Variants in APP observed in about 807,000 individuals in gnomAD.
APP encodes the protein amyloid-beta precursor protein.
APP carries 31 observed loss-of-function variants against 101.4 expected under a neutral mutation model. That is an observed-to-expected ratio of 0.31 (90% CI 0.23 to 0.41). The LOEUF (loss-of-function observed/expected upper bound fraction) is 0.41. Ranked by LOEUF, APP falls within the 10% of genes least tolerant of loss-of-function variation. The pLI, the probability that APP is intolerant of heterozygous loss-of-function variation, is 1.00. For synonymous variants in APP, 366 were observed against 364.4 expected (o/e 1.00, Z -0.05); for missense variants, 839 against 1,003.7 (o/e 0.84, Z 2.22).
At chr21:26,164,137 C>T (rs544814156) in intron 1 of APP, among the ~76,000 whole-genome samples, 4 of 152,256 alleles carry the variant, frequency 2.6e-5, no homozygotes, top group East Asian at 3.9e-4. Flanking sequence ...CCCAGCTACT[C>T]GGGAGGCTGA....
intron 1 of APP, among the ~76,000 whole-genome samples, chr21:26,115,029 G>T (rs1169084123): frequency 1.3e-5 from 2 of 152,100 alleles, no homozygotes; most frequent in Non-Finnish European, 2.9e-5. Context: ...TTAACAATGA[G>T]AGTTTAGACT....
intron 11 of APP, among the ~76,000 whole-genome samples, chr21:25,961,867 T>C (rs2041596051): frequency 6.6e-6 from 1 of 152,078 alleles, no homozygotes; most frequent in Non-Finnish European, 1.5e-5. Context: ...ATTCAGTGGC[T>C]CACGAAAAGG....
intron 5 of APP, among the ~76,000 whole-genome samples, chr21:26,025,019 T>C (rs112996592): frequency 3.9e-5 from 6 of 152,172 alleles, no homozygotes; most frequent in African/African-American, 1.4e-4. Flanking sequence ...TAGGACGAAA[T>C]AGGTGAAAAG....
At chr21:26,132,280 C>T (rs2062812671) in intron 1 of APP, among the ~76,000 whole-genome samples, 1 of 152,036 alleles carries the variant, frequency 6.6e-6, no homozygotes, top group Admixed American at 6.6e-5. Flanking sequence ...CTAAAAATAA[C>T]TAAATTTAAG....
chr21:25,895,841 T>A (rs901735152), intron 16 of APP, among the ~76,000 whole-genome samples: 1 of 152,222 alleles, frequency 6.6e-6, no homozygotes, highest in Admixed American at 6.5e-5. Flanking sequence ...TAAATACAAG[T>A]CTGGACATAT....
At chr21:25,986,312 T>A (rs547843357) in intron 8 of APP, among the ~76,000 whole-genome samples, 1 of 152,282 alleles carries the variant, frequency 6.6e-6, no homozygotes, top group South Asian at 2.1e-4. Flanking sequence ...GGAAACAAAC[T>A]GGCTTTAGGA....
chr21:26,018,161 G>A (rs949187724), intron 6 of APP, among the ~76,000 whole-genome samples: 13 of 151,968 alleles, frequency 8.6e-5, no homozygotes, highest in Middle Eastern at 6.3e-3. Context: ...ATTTCTTTCC[G>A]GTTTTAACGG....
At chr21:26,108,544 A>G (rs1369324263) in intron 2 of APP, among the ~76,000 whole-genome samples, 1 of 152,204 alleles carries the variant, frequency 6.6e-6, no homozygotes, top group East Asian at 1.9e-4. Flanking sequence ...ATAAAGCAAG[A>G]AGGTGATTTG....
chr21:26,168,832 A>AT (rs1355253915), intron 1 of APP, among the ~76,000 whole-genome samples: 1 of 152,218 alleles, frequency 6.6e-6, no homozygotes, highest in Non-Finnish European at 1.5e-5. Context: ...CCCTAAGGTG[A>AT]TTCCTGAGCC....
At chr21:25,909,969 G>A (rs1012997721) in intron 14 of APP, among the ~76,000 whole-genome samples, 30 of 151,902 alleles carry the variant, frequency 2.0e-4, no homozygotes, top group African/African-American at 7.3e-4. Context: ...TTCAAATTAA[G>A]GAAACAAATT....
intron 6 of APP, among the ~76,000 whole-genome samples, chr21:26,002,264 C>T (rs879371741): frequency 5.3e-5 from 8 of 152,246 alleles, no homozygotes; most frequent in Non-Finnish European, 1.0e-4. Flanking sequence ...ACTGTCCCTC[C>T]TGTTGACATC....
At chr21:26,170,931 CT>C (rs2063734656), upstream of APP, 2 of 274,140 alleles carry the variant, frequency 7.3e-6, no homozygotes, top group East Asian at 6.6e-5. Context: ...TGCACGCGCC[CT>C]TGGCGCCGCC....
At chr21:26,046,736 A>C (rs957438916) in intron 5 of APP, among the ~76,000 whole-genome samples, 6 of 152,296 alleles carry the variant, frequency 3.9e-5, no homozygotes, top group African/African-American at 1.4e-4. Context: ...GGGTCTTCTA[A>C]CATTTCATTT....
intron 11 of APP, among the ~76,000 whole-genome samples, chr21:25,973,816 T>C (rs172592): frequency 0.09 from 13,721 of 151,846 alleles, 982 homozygotes; most frequent in African/African-American, 0.19. Flanking sequence ...GTGGCTCACC[T>C]GTAATCCTAG....
intron 3 of APP, among the ~76,000 whole-genome samples, chr21:26,068,884 C>G (rs2046564527): frequency 6.6e-6 from 1 of 152,210 alleles, no homozygotes; most frequent in East Asian, 1.9e-4. Flanking sequence ...ACTTAGCATT[C>G]CCAGTCGCTT....
intron 13 of APP, chr21:25,945,632 C>A: frequency 3.9e-6 from 1 of 253,736 alleles, no homozygotes; most frequent in Non-Finnish European, 7.9e-6. Flanking sequence ...GAAATAAACC[C>A]ATATTATCTA....
At chr21:26,011,576 A>G (rs1057486878) in intron 6 of APP, among the ~76,000 whole-genome samples, 1 of 152,064 alleles carries the variant, frequency 6.6e-6, no homozygotes, top group Admixed American at 6.5e-5. Context: ...ATCCGCAACA[A>G]TTATCTGGCC....
intron 2 of APP, among the ~76,000 whole-genome samples, chr21:26,092,852 G>A (rs1212625643): frequency 2.6e-5 from 4 of 152,070 alleles, no homozygotes; most frequent in Non-Finnish European, 4.4e-5. Context: ...CTAAAAAACC[G>A]TCTATTTTAA....
chr21:25,958,423 C>T (rs1265995953), intron 11 of APP, among the ~76,000 whole-genome samples: 1 of 152,098 alleles, frequency 6.6e-6, no homozygotes, highest in South Asian at 2.1e-4. Flanking sequence ...ACTACAGGCA[C>T]GTGCCACCAT....
Sources: allele counts gnomAD v4.1 joint callset (sites outside exome capture counted in the v4.1 genomes callset), GRCh38; gene constraint gnomAD v4.1.1; transcripts MANE v1.5; gene names NCBI Gene and HGNC (gene_info 2026-07-23, HGNC 2026-07-21).